Variants in WRAP73 observed in about 807,000 individuals in gnomAD.
The protein encoded by WRAP73 is WD repeat containing, antisense to TP73.
In WRAP73, 55 loss-of-function variants were observed where a neutral mutation model predicts 59.6. The observed-to-expected ratio is 0.92, with a 90% CI of 0.74 to 1.15. WRAP73 has a LOEUF of 1.15. Among genes scored for constraint, WRAP73 ranks in the 50% most tolerant of loss-of-function variants. The pLI, the probability that WRAP73 is intolerant of heterozygous loss-of-function variation, is 0.00. For missense variants in WRAP73, 592 were observed against 608.1 expected, an observed-to-expected ratio of 0.97 and a Z score of 0.28; for synonymous variants, 265 against 258.2, an observed-to-expected ratio of 1.03 and a Z score of -0.25.
rs1024183205 is a variant in WRAP73, at chr1:3,632,110, G to A, written c.1048+103C>T. 6.6e-6 allele frequency: 10 copies of A among 1,511,862 alleles called. No individual in the cohort carries two copies. The African/African-American group carries it at 9.8e-5, about 15-fold the overall frequency. The allele number at this position is 1,511,862 out of a possible 1,614,324, so 93.7% of individuals were successfully genotyped here. A position where few individuals can be genotyped will look rare whatever the true frequency, so the allele number is the denominator to read the frequency against. ...CTGCAGAAACGTGAAAGGAGGTGAC[G>A]TGTCGGAAACCCCCAACTTCATTTT... On this transcript the variant is annotated intron_variant, in intron 10 of 11. Coordinates refer to ENST00000270708, the MANE Select transcript of WRAP73 (RefSeq NM_017818.4).
chr1:3,641,983 CA>C (rs1206175459), intron 3 of WRAP73, among the ~76,000 whole-genome samples: 1 of 152,222 alleles, frequency 6.6e-6, no homozygotes. Context: ...TACTTTACAA[CA>C]AAAGGCCTGT....
rs192722911 is a variant in WRAP73 at position 3,646,365 on chromosome 1, C to T, written c.339+301G>A. ...GCTCAGATCTTCAGTAAGACCAAAT[C>T]TTCTATCCATGCAATTATAAACAGT... On this transcript the variant is annotated intron_variant, in intron 3 of 11. Coordinates refer to ENST00000270708, the MANE Select transcript of WRAP73 (RefSeq NM_017818.4). This position sits in a 1 kb window ranked among gnomAD's most constrained non-coding sequence, Gnocchi z 5.1. Among the ~76,000 whole-genome samples, 75 of 152,370 alleles carry T rather than the reference C, an allele frequency of 4.9e-4. No homozygotes were observed. The East Asian group carries it at 0.011, about 22-fold the overall frequency.
rs1644615169 is a variant in WRAP73, at chr1:3,639,168, C to T, written c.340-346G>A. On this transcript the variant is annotated intron_variant, in intron 3 of 11. Coordinates refer to ENST00000270708, the MANE Select transcript of WRAP73 (RefSeq NM_017818.4). The surrounding 1 kb of genome is among the most constrained non-coding windows in gnomAD (Gnocchi z 4.3). ...CAGAGAAAAATCTTGATCTAGAAAC[C>T]ACCACGGGTTCAGTCTCCTTTATGG... is the stretch of plus-strand genomic sequence containing the variant. 2 of 254,874 alleles carry T rather than the reference C, an allele frequency of 7.8e-6. No homozygotes were observed. The highest frequency in any genetic ancestry group is 9.4e-5 in the South Asian group (2 of 21,200). The allele number at this position is 254,874 out of a possible 1,614,324, so 15.8% of individuals were successfully genotyped here.
intron 3 of WRAP73, among the ~76,000 whole-genome samples, chr1:3,644,649 G>A (rs1055208030): frequency 6.6e-6 from 1 of 152,188 alleles, no homozygotes; most frequent in Non-Finnish European, 1.5e-5. Context: ...TGGTCTTAAC[G>A]TTTCCTCTAA....
intron 3 of WRAP73, among the ~76,000 whole-genome samples, chr1:3,640,516 TGCAGCGCCCGAGGC>T: frequency 9.2e-5 from 2 of 21,762 alleles, no homozygotes; most frequent in Non-Finnish European, 2.1e-4. Flanking sequence ...CAGGGCGGGG[TGCAGCGCCCGAGGC>T]TCTGAGCATC....
rs775907523 is a variant in WRAP73 at position 3,649,988 on chromosome 1, G to A, written c.12C>T (p.Ser4=). The A allele has an allele frequency of 1.3e-6, 2 of 1,598,414 alleles. No individual in the cohort carries two copies. Among genetic ancestry groups the A allele is most frequent in the Non-Finnish European group, 1.7e-6 (2 of 1,174,258 alleles). Residue 4 remains serine, a synonymous_variant, in exon 1 of 12, where the codon TCC becomes TCT. Transcript: ENST00000270708. ...GTAAGCTGGAGAGCTTGAATACCTCGGAGAAGTTCATGGCCGCCGCCTGCC... is the reference window on the plus strand; with the variant it reads ...GTAAGCTGGAGAGCTTGAATACCTCAGAGAAGTTCATGGCCGCCGCCTGCC... MNF[S]EVFKLSSLLC...
chr1:3,637,224 A>C, intron 4 of WRAP73, 126 bp from the exon 5 acceptor site: 2 of 785,808 alleles, frequency 2.5e-6, no homozygotes, highest in Non-Finnish European at 4.1e-6. Flanking sequence ...AAATGGCACA[A>C]TGCCGAGCAC....
chr1:3,634,658 C>G, intron 8 of WRAP73: 1 of 339,986 alleles, frequency 2.9e-6, no homozygotes, highest in South Asian at 2.8e-5. Context: ...CCTGGCACGA[C>G]AGCAGATGCC....
chr1:3,642,428 A>G (rs773033963), intron 3 of WRAP73, among the ~76,000 whole-genome samples: 2 of 152,188 alleles, frequency 1.3e-5, no homozygotes, highest in Admixed American at 6.5e-5. Flanking sequence ...TAGCTGGTGA[A>G]GATAGCCTTC....
chr1:3,638,018 GA>G (rs1004212927), intron 4 of WRAP73, among the ~76,000 whole-genome samples: 2 of 152,198 alleles, frequency 1.3e-5, no homozygotes, highest in African/African-American at 4.8e-5. Flanking sequence ...ATCTCATCTG[GA>G]GGGACGCTAA....
intron 9 of WRAP73, chr1:3,632,577 G>GTCCACCCCCCACCTA: frequency 1.8e-6 from 1 of 570,618 alleles, no homozygotes; most frequent in Non-Finnish European, 3.1e-6. Flanking sequence ...ACTAGGTGGG[G>GTCCACCCCCCACCTA]GGTGGACCCC....
intron 8 of WRAP73, 68 bp downstream of exon 8, chr1:3,634,929 T>G: frequency 6.4e-7 from 1 of 1,554,432 alleles, no homozygotes; most frequent in Non-Finnish European, 8.9e-7. Flanking sequence ...GAAAGCAAAG[T>G]GAAGGAGCAG....
intron 3 of WRAP73, among the ~76,000 whole-genome samples, chr1:3,640,451 C>T (rs543112901): frequency 2.0e-5 from 3 of 146,580 alleles, no homozygotes; most frequent in East Asian, 2.0e-4. Flanking sequence ...GTGGAGCGCC[C>T]GAGGCTCTGA....
Position 3,646,548 on chromosome 1 carries a change from C to G in WRAP73, c.339+118G>C. The G allele has an allele frequency of 1.3e-6, 1 of 760,416 alleles. No homozygotes were observed. Among genetic ancestry groups the G allele is most frequent in the South Asian group, 2.1e-5 (1 of 47,038 alleles). The allele number at this position is 760,416 out of a possible 1,614,324, so 47.1% of individuals were successfully genotyped here. On this transcript the variant is annotated intron_variant, in intron 3 of 11. Transcript: ENST00000270708. The surrounding 1 kb of genome is among the most constrained non-coding windows in gnomAD (Gnocchi z 5.1). ...CCCTGGTGGTCTTAGAATGCATCCC[C>G]TGAGGATAAGGGGAGACTAGCATAC... is the stretch of plus-strand genomic sequence containing the variant.
In WRAP73 at chr1:3,639,920, G is replaced by C. The variant is rs145718833; in HGVS notation, c.340-1098C>G. ...CCAGCAGCGTAAGTGGGGCCGCAGC[G>C]TGTGGGGCACAGCATGTCCACAGTG... On this transcript the variant is annotated intron_variant, in intron 3 of 11. Coordinates refer to ENST00000270708, the MANE Select transcript of WRAP73 (RefSeq NM_017818.4). The surrounding 1 kb of genome is among the most constrained non-coding windows in gnomAD (Gnocchi z 4.3). Among the ~76,000 whole-genome samples the C allele has an allele frequency of 9.2e-5, 14 of 152,322 alleles. No homozygotes were observed. In the South Asian group the frequency reaches 2.3e-3, roughly 25 times the overall value.
chr1:3,648,577 C>T (rs529763231), intron 1 of WRAP73, among the ~76,000 whole-genome samples: 2 of 152,296 alleles, frequency 1.3e-5, no homozygotes, highest in East Asian at 3.9e-4. Context: ...ACCACATAAA[C>T]TCTACTGCAA....
intron 1 of WRAP73, among the ~76,000 whole-genome samples, chr1:3,649,634 G>A (rs1370648938): frequency 6.7e-6 from 1 of 149,414 alleles, no homozygotes; most frequent in Non-Finnish European, 1.5e-5. Flanking sequence ...TCTGCTTGGG[G>A]TACCTGCCTG....
chr1:3,635,112 G>A lies in WRAP73; in HGVS notation c.739-38C>T, dbSNP rs372009657. 65 of 1,614,022 alleles carry A rather than the reference G, an allele frequency of 4.0e-5. No homozygotes were observed. The African/African-American group carries it at 4.1e-4, about 10-fold the overall frequency. On this transcript the variant is annotated intron_variant, in intron 7 of 11. Transcript: ENST00000270708. The stretch of plus-strand genomic sequence containing the variant: ...ACCATGCACAGGTGAGGCAGGGCCC[G>A]GCCCGCTGGGCGGTCGGACTTCCTG...
At chr1:3,648,826 T>C (rs961109112) in intron 1 of WRAP73, among the ~76,000 whole-genome samples, 12 of 152,200 alleles carry the variant, frequency 7.9e-5, no homozygotes, top group South Asian at 6.2e-4. Flanking sequence ...GGGGGGCACA[T>C]TGAAAATATA....
Sources: gnomAD v4.1 joint callset for allele counts (sites outside exome capture counted in the v4.1 genomes callset) on GRCh38, gnomAD v4.1.1 for gene constraint, Gnocchi (gnomAD v3.1) non-coding constraint, MANE v1.5 for transcripts, NCBI Gene and HGNC (gene_info 2026-07-23, HGNC 2026-07-21) for gene names.